The following FSTL5 variants were observed in gnomAD, a reference collection of about 807,000 sequenced individuals.
The protein encoded by FSTL5 is follistatin-related protein 5.
A neutral mutation model predicts 89.1 loss-of-function variants in FSTL5; 62 were observed. The observed-to-expected ratio is 0.70, with a 90% CI of 0.57 to 0.86. The LOEUF (loss-of-function observed/expected upper bound fraction) is 0.86. Ranked by LOEUF, FSTL5 falls within the 40% of genes least tolerant of loss-of-function variation. The pLI is 0.00. For missense variants in FSTL5, 1,057 were observed against 1,001.6 expected (o/e 1.06, Z -0.75); for synonymous variants, 383 against 346.2 (o/e 1.11, Z -1.18).
In FSTL5 at chr4:161,390,343, T is replaced by G. The variant is rs574661343; in HGVS notation, c.1842-3894A>C. 4.6e-5 allele frequency among the ~76,000 whole-genome samples: 7 copies of G among 152,226 alleles called. No individual in the cohort carries two copies. In the East Asian group the frequency reaches 1.4e-3, roughly 30 times the overall value. On this transcript the variant is annotated intron_variant, in intron 15 of 15. Coordinates refer to ENST00000306100, the MANE Select transcript of FSTL5 (RefSeq NM_020116.5). Reference sequence around the variant, plus strand: ...GATATGGAGAGGTTGCAGTCAGCATTTATGTCACAGCAATTCAGGAGACTT... The same window carrying G: ...GATATGGAGAGGTTGCAGTCAGCATGTATGTCACAGCAATTCAGGAGACTT...
intron 9 of FSTL5, among the ~76,000 whole-genome samples, chr4:161,541,272 G>A (rs1389551022): frequency 1.3e-5 from 2 of 151,922 alleles, no homozygotes; most frequent in Admixed American, 6.6e-5. Flanking sequence ...TTCTTTGCAA[G>A]CACCTTCTCT....
At chr4:161,611,817 G>T (rs1187899174) in intron 7 of FSTL5, among the ~76,000 whole-genome samples, 1 of 152,196 alleles carries the variant, frequency 6.6e-6, no homozygotes, top group Non-Finnish European at 1.5e-5. Flanking sequence ...AGCCATGGGA[G>T]GAGTCAGAAA....
At chr4:161,721,351 A>G (rs999708647) in intron 6 of FSTL5, among the ~76,000 whole-genome samples, 6 of 151,664 alleles carry the variant, frequency 4.0e-5, no homozygotes, top group Non-Finnish European at 5.9e-5. Context: ...TTCCTATCAC[A>G]AAAGGTTTTA....
rs145177822 is a variant in FSTL5, at chr4:161,703,055, A to G, written c.728-46561T>C. Among the ~76,000 whole-genome samples the G allele has an allele frequency of 6.0e-3, 911 of 152,230 alleles. 13 individuals are homozygous for G. Among genetic ancestry groups the G allele is most frequent in the South Asian group, 0.047 (225 of 4,822 alleles). ...AACAAAAGACAACAGAGATATGCAC[A>G]CGTAAAGAAAAGACTGTTTGAGGAC... On this transcript the variant is annotated intron_variant, in intron 6 of 15. Coordinates refer to ENST00000306100, the MANE Select transcript of FSTL5 (RefSeq NM_020116.5).
chr4:161,586,953 C>T (rs539826730), intron 8 of FSTL5, among the ~76,000 whole-genome samples: 81 of 152,202 alleles, frequency 5.3e-4, no homozygotes, highest in South Asian at 1.5e-3. Context: ...TAGTAAATAA[C>T]TAAAATTTGA....
At chr4:161,824,564 A>C (rs944618371) in intron 4 of FSTL5, among the ~76,000 whole-genome samples, 1 of 152,120 alleles carries the variant, frequency 6.6e-6, no homozygotes, top group African/African-American at 2.4e-5. Context: ...CTAGCCATAC[A>C]TGAGCATGGG....
intron 6 of FSTL5, among the ~76,000 whole-genome samples, chr4:161,663,367 TG>T (rs1326993409): frequency 6.6e-6 from 1 of 152,112 alleles, no homozygotes; most frequent in Non-Finnish European, 1.5e-5. Flanking sequence ...AGATACAATG[TG>T]GATGCAGGTA....
chr4:161,895,875 T>A (rs900708292), intron 4 of FSTL5, among the ~76,000 whole-genome samples: 3 of 152,122 alleles, frequency 2.0e-5, no homozygotes, highest in Admixed American at 1.3e-4. Flanking sequence ...ATTCCAGAGC[T>A]TACACTTTCT....
chr4:161,390,093 C>T (rs1730771248), intron 15 of FSTL5, among the ~76,000 whole-genome samples: 1 of 152,068 alleles, frequency 6.6e-6, no homozygotes. Context: ...CCAAATATCT[C>T]ACATTGTTAA....
chr4:162,152,663 A>T (rs891966310), intron 1 of FSTL5, among the ~76,000 whole-genome samples: 13 of 152,190 alleles, frequency 8.5e-5, no homozygotes, highest in Non-Finnish European at 1.5e-4. Flanking sequence ...GGGATAATGA[A>T]TCGTTGACAT....
Position 161,753,849 on chromosome 4 carries a change from T to G in FSTL5, c.727+5562A>C, listed in dbSNP as rs370743923. Among the ~76,000 whole-genome samples the G allele has an allele frequency of 4.6e-5, 7 of 152,052 alleles. No individual in the cohort carries two copies. In the East Asian group the frequency reaches 1.4e-3, roughly 30 times the overall value. ...TGAGGTCGGGAGATCGAGACCGTCC[T>G]GGCTATCACGGTGAAACCCCCTCTC... On this transcript the variant is annotated intron_variant, in intron 6 of 15. Transcript: ENST00000306100.
intron 2 of FSTL5, among the ~76,000 whole-genome samples, chr4:162,052,721 G>C (rs12649057): frequency 6.6e-6 from 1 of 151,662 alleles, no homozygotes; most frequent in Non-Finnish European, 1.5e-5. Flanking sequence ...AAGCAAACGC[G>C]TGTGACAAAA....
chr4:162,160,828 A>G (rs996051044), intron 1 of FSTL5, among the ~76,000 whole-genome samples: 4 of 151,466 alleles, frequency 2.6e-5, no homozygotes, highest in African/African-American at 9.7e-5. Context: ...AAAACAAAAC[A>G]AAACAAAAAA....
chr4:162,025,894 T>G (rs1019850285), intron 3 of FSTL5, among the ~76,000 whole-genome samples: 1 of 152,012 alleles, frequency 6.6e-6, no homozygotes, highest in African/African-American at 2.4e-5. Context: ...TTTACATTAA[T>G]AATTCTAAAA....
intron 1 of FSTL5, among the ~76,000 whole-genome samples, chr4:162,162,645 C>T (rs1457674556): frequency 1.3e-5 from 2 of 152,120 alleles, no homozygotes; most frequent in South Asian, 2.1e-4. Context: ...ATTGTTCAGT[C>T]GTTTTCCACA....
intron 3 of FSTL5, among the ~76,000 whole-genome samples, chr4:161,924,665 C>T (rs1329342306): frequency 6.6e-6 from 1 of 151,360 alleles, no homozygotes; most frequent in African/African-American, 2.4e-5. Flanking sequence ...AACAATGTAC[C>T]ATGTAATACA....
At chr4:161,514,537 T>C (rs1185840706) in intron 10 of FSTL5, among the ~76,000 whole-genome samples, 1 of 152,144 alleles carries the variant, frequency 6.6e-6, no homozygotes, top group Non-Finnish European at 1.5e-5. Flanking sequence ...ATAGTTACAC[T>C]AAAAGCCTAG....
chr4:161,868,446 A>T (rs1184931007), intron 4 of FSTL5, among the ~76,000 whole-genome samples: 2 of 152,124 alleles, frequency 1.3e-5, no homozygotes, highest in African/African-American at 2.4e-5. Flanking sequence ...CTGTTGTTTT[A>T]GTTTAGGTGC....
chr4:161,913,660 T>C (rs996120606), intron 4 of FSTL5, among the ~76,000 whole-genome samples: 4 of 152,190 alleles, frequency 2.6e-5, no homozygotes, highest in Admixed American at 6.5e-5. Flanking sequence ...AAAGCCACAG[T>C]GGCAGAGCTA....
Sources: allele counts gnomAD v4.1 joint callset (sites outside exome capture counted in the v4.1 genomes callset), GRCh38; gene constraint gnomAD v4.1.1; transcripts MANE v1.5; gene names NCBI Gene and HGNC (gene_info 2026-07-23, HGNC 2026-07-21).